Variants in PSD3 observed in about 807,000 individuals in gnomAD.
PSD3 encodes pleckstrin and Sec7 domain containing 3, also known as PH and SEC7 domain-containing protein 3.
In PSD3, 49 loss-of-function variants were observed where a neutral mutation model predicts 105.5. The observed-to-expected ratio is 0.46, with a 90% CI of 0.37 to 0.59. The LOEUF is 0.59. PSD3 is among the 20% of genes least tolerant of loss of function. The probability of loss-of-function intolerance (pLI) is 0.00; values close to 1 mark genes in which losing one functional copy is unlikely to be tolerated. For synonymous variants in PSD3, 557 were observed against 457.8 expected (o/e 1.22, Z -2.77); for missense variants, 1,561 against 1,263.8 (o/e 1.24, Z -3.57).
intron 11 of PSD3, among the ~76,000 whole-genome samples, chr8:18,614,509 G>A (rs1277241639): frequency 6.6e-6 from 1 of 151,828 alleles, no homozygotes; most frequent in Admixed American, 6.6e-5. Flanking sequence ...ATTCCAATAA[G>A]ACATTGAATA....
At chr8:18,574,369 A>T (rs13262065) in intron 13 of PSD3, among the ~76,000 whole-genome samples, 41,875 of 152,092 alleles carry the variant, frequency 0.28, 6,900 homozygotes, top group East Asian at 0.45. Context: ...GGTATTTTTG[A>T]TTGAAAAAAT....
Position 18,532,510 on chromosome 8 carries a change from G to C in PSD3, c.*3233C>G, listed in dbSNP as rs1213963035. ...AATGCTTTCTATCCTCTGCATCTAA[G>C]AGGAATAAAAAGGTTACACATAATC... is the stretch of plus-strand genomic sequence containing the variant. On this transcript the variant is annotated 3_prime_UTR_variant, in exon 16 of 16. Transcript: ENST00000327040. 6.6e-6 allele frequency: 1 copy of C among 152,168 alleles called. No homozygotes were observed. Among genetic ancestry groups the C allele is most frequent in the Non-Finnish European group, 1.5e-5 (1 of 68,044 alleles). 9.4% of individuals were successfully genotyped at this position (152,168 alleles called of 1,614,324 possible).
intron 1 of PSD3, among the ~76,000 whole-genome samples, chr8:18,976,844 C>T (rs994320373): frequency 5.9e-5 from 9 of 152,150 alleles, no homozygotes; most frequent in Non-Finnish European, 1.3e-4. Context: ...TGAAAACAAT[C>T]AAATTGTCCA....
intron 9 of PSD3, among the ~76,000 whole-genome samples, chr8:18,667,381 T>C (rs913542635): frequency 2.0e-5 from 3 of 152,140 alleles, no homozygotes; most frequent in African/African-American, 7.2e-5. Context: ...AAGTGCTGAT[T>C]GGTGCATTTA....
At chr8:18,680,555 C>T (rs550794587) in intron 9 of PSD3, among the ~76,000 whole-genome samples, 5 of 152,248 alleles carry the variant, frequency 3.3e-5, no homozygotes, top group East Asian at 1.9e-4. Context: ...CCGGTCTCCA[C>T]GAAACACATG....
intron 1 of PSD3, among the ~76,000 whole-genome samples, chr8:19,058,067 A>C (rs1222939706): frequency 6.6e-6 from 1 of 152,194 alleles, no homozygotes; most frequent in Non-Finnish European, 1.5e-5. Flanking sequence ...TGAGTAAACA[A>C]ACTAAGGGTC....
chr8:19,056,035 T>C (rs1046054756), intron 1 of PSD3, among the ~76,000 whole-genome samples: 1 of 152,260 alleles, frequency 6.6e-6, no homozygotes, highest in East Asian at 1.9e-4. Context: ...TTTATGTCAG[T>C]CTGACTTCTT....
intron 4 of PSD3, among the ~76,000 whole-genome samples, chr8:18,805,414 GAAACAC>G (rs1369372278): frequency 2.6e-5 from 4 of 152,026 alleles, no homozygotes; most frequent in African/African-American, 9.7e-5. Flanking sequence ...TATTTTGGTT[GAAACAC>G]ATTAAGAAAA....
chr8:18,587,784 C>T (rs1164386847), intron 12 of PSD3, among the ~76,000 whole-genome samples: 2 of 152,082 alleles, frequency 1.3e-5, no homozygotes, highest in Non-Finnish European at 2.9e-5. Context: ...GGGATTGTAT[C>T]TTAGTTGTCT....
At chr8:19,059,540 G>A (rs1308916687) in intron 1 of PSD3, among the ~76,000 whole-genome samples, 3 of 152,142 alleles carry the variant, frequency 2.0e-5, no homozygotes, top group African/African-American at 7.2e-5. Context: ...TATCAGGTGG[G>A]ACCAAAGTAC....
intron 2 of PSD3, among the ~76,000 whole-genome samples, chr8:18,905,653 A>G (rs1563405303): frequency 6.6e-6 from 1 of 152,116 alleles, no homozygotes; most frequent in Non-Finnish European, 1.5e-5. Context: ...TATATTGCCT[A>G]TACTTTTCTA....
At chr8:18,610,052 T>C (rs1448253056) in intron 11 of PSD3, among the ~76,000 whole-genome samples, 1 of 152,228 alleles carries the variant, frequency 6.6e-6, no homozygotes, top group Admixed American at 6.5e-5. Flanking sequence ...TAATCACTTA[T>C]CTTTGAAACA....
chr8:18,617,073 T>TCA (rs1805747641), intron 11 of PSD3, among the ~76,000 whole-genome samples: 6 of 152,200 alleles, frequency 3.9e-5, no homozygotes, highest in African/African-American at 1.4e-4. Context: ...TTGTACACCT[T>TCA]TTCTCTCATT....
chr8:18,793,667 G>C (rs1229803783), intron 8 of PSD3, among the ~76,000 whole-genome samples: 1 of 152,138 alleles, frequency 6.6e-6, no homozygotes, highest in East Asian at 1.9e-4. Context: ...AGAGAAAACT[G>C]AATGCCAACG....
intron 4 of PSD3, among the ~76,000 whole-genome samples, chr8:18,819,046 A>G (rs1303524616): frequency 7.3e-6 from 1 of 137,262 alleles, no homozygotes; most frequent in Non-Finnish European, 1.6e-5. Flanking sequence ...CAAGGACTTA[A>G]GAAAGTGAAC....
At chr8:18,706,452 A>G (rs1304473269) in intron 9 of PSD3, among the ~76,000 whole-genome samples, 1 of 152,240 alleles carries the variant, frequency 6.6e-6, no homozygotes, top group Non-Finnish European at 1.5e-5. Context: ...ACAAACTAAA[A>G]GGAATTGATT....
At chr8:18,668,909 A>G (rs574855292) in intron 9 of PSD3, among the ~76,000 whole-genome samples, 1 of 152,214 alleles carries the variant, frequency 6.6e-6, no homozygotes, top group Non-Finnish European at 1.5e-5. Context: ...TCCTTTTGTT[A>G]TATCAGCTTA....
intron 10 of PSD3, among the ~76,000 whole-genome samples, chr8:18,654,060 C>T (rs1023733682): frequency 6.6e-6 from 1 of 152,130 alleles, no homozygotes; most frequent in Non-Finnish European, 1.5e-5. Flanking sequence ...ACCATGAATT[C>T]TTAATGATCA....
At chr8:18,956,248 G>A (rs1823566155) in intron 1 of PSD3, among the ~76,000 whole-genome samples, 1 of 152,196 alleles carries the variant, frequency 6.6e-6, no homozygotes, top group South Asian at 2.1e-4. Flanking sequence ...GGAAGGCTGA[G>A]GAGAATGAAG....
Sources: gnomAD v4.1 joint callset for allele counts (sites outside exome capture counted in the v4.1 genomes callset) on GRCh38, gnomAD v4.1.1 for gene constraint, MANE v1.5 for transcripts, NCBI Gene and HGNC (gene_info 2026-07-23, HGNC 2026-07-21) for gene names.